The following WFS1 variants were observed in gnomAD, a reference collection of about 807,000 sequenced individuals.
WFS1 encodes the protein wolframin.
A neutral mutation model predicts 68.5 loss-of-function variants in WFS1; 90 were observed. That is an observed-to-expected ratio of 1.31 (90% confidence interval 1.11 to 1.56). The LOEUF is 1.56. Ranked by LOEUF, WFS1 falls within the 40% of genes most tolerant of loss-of-function variation. The pLI is 0.00. For synonymous variants in WFS1, 860 were observed against 540.7 expected (o/e 1.59, Z -8.19); for missense variants, 1,767 against 1,232.6 (o/e 1.43, Z -6.49).
At chr4:6,270,924 C>T (rs1729820249) in intron 1 of WFS1, among the ~76,000 whole-genome samples, 3 of 152,208 alleles carry the variant, frequency 2.0e-5, no homozygotes, top group Admixed American at 2.0e-4. Flanking sequence ...GCTGATGGGG[C>T]AGAGCCTGGT....
chr4:6,295,313 C>A, intron 7 of WFS1, 124 bp downstream of exon 7: 1 of 1,176,128 alleles, frequency 8.5e-7, no homozygotes, highest in Non-Finnish European at 1.2e-6. Flanking sequence ...TGTCTTACAG[C>A]CGTGCCGCTG....
intron 7 of WFS1, among the ~76,000 whole-genome samples, chr4:6,299,494 GTGTGTAGGGGTGGGT>G (rs1730766551): frequency 6.7e-6 from 1 of 149,954 alleles, no homozygotes; most frequent in Non-Finnish European, 1.5e-5. Context: ...GTGTGCACGT[GTGTGTAGGGGTGGGT>G]TGCGTGTGTG....
chr4:6,302,747 A>C lies in WFS1; in HGVS notation c.*279A>C. 1.3e-5 allele frequency: 7 copies of C among 557,310 alleles called. No individual in the cohort carries two copies. Among genetic ancestry groups the C allele is most frequent in the Non-Finnish European group, 2.2e-5 (7 of 315,670 alleles). 34.5% of individuals were successfully genotyped at this position (557,310 alleles called of 1,614,324 possible). A position where few individuals can be genotyped will look rare whatever the true frequency, so the allele number is the denominator to read the frequency against. On this transcript the variant is annotated 3_prime_UTR_variant, in exon 8 of 8. Coordinates refer to ENST00000226760, the MANE Select transcript of WFS1 (RefSeq NM_006005.3). ...TGACATGGGTGTGCCAGGCTAGACT[A>C]GGAGGTTCCGGTGTCTGGAAAAGCA...
chr4:6,290,846 C>T (rs1730440503), intron 4 of WFS1, among the ~76,000 whole-genome samples: 1 of 152,242 alleles, frequency 6.6e-6, no homozygotes, highest in South Asian at 2.1e-4. Flanking sequence ...CAAGACAGCT[C>T]TGCCTCTTTC....
At position 6,301,534 on chromosome 4, in the gene WFS1, T is replaced by C. The variant is rs140773453; in HGVS notation, c.1739T>C (p.Val580Ala). Residue 580 changes from valine to alanine, a missense_variant, in exon 8 of 8, where the codon GTG (valine) becomes GCG (alanine). Val to Ala is a moderately conservative substitution (Grantham distance 64). Transcript: ENST00000226760. ...LPILVAGLAL[V>A]GVLQFARWFT... is the part of the protein sequence containing the mutation. Reference sequence around the variant, plus strand: ...ATCCTGGTGGCCGGCCTGGCCCTGGTGGGCGTGCTGCAGTTCGCCCGGTGG... The same window carrying C: ...ATCCTGGTGGCCGGCCTGGCCCTGGCGGGCGTGCTGCAGTTCGCCCGGTGG... 3 of 1,613,896 alleles carry C rather than the reference T, an allele frequency of 1.9e-6. No homozygotes were observed.
In WFS1 at chr4:6,283,342, A is replaced by G. The variant is rs1179837557; in HGVS notation, c.233-3751A>G. On this transcript the variant is annotated intron_variant, in intron 2 of 7. Coordinates refer to ENST00000226760, the MANE Select transcript of WFS1 (RefSeq NM_006005.3). This position sits in a 1 kb window ranked among gnomAD's most constrained non-coding sequence, Gnocchi z 5.0. The stretch of plus-strand genomic sequence containing the variant: ...TTTCAAAGAATGAGTTAGATTCAGG[A>G]CCCTTTTAGTTGTAAGTGACAAAAT... Among the ~76,000 whole-genome samples the G allele has an allele frequency of 6.6e-6, 1 of 152,190 alleles. No individual in the cohort carries two copies. The highest frequency in any genetic ancestry group is 1.5e-5 in the Non-Finnish European group (1 of 68,022).
In WFS1 at chr4:6,295,092, C is replaced by T; in HGVS notation, c.764C>T (p.Ala255Val). 2 of 1,613,532 alleles carry T rather than the reference C, an allele frequency of 1.2e-6. No individual in the cohort carries two copies. Among genetic ancestry groups the T allele is most frequent in the Non-Finnish European group, 1.7e-6 (2 of 1,180,028 alleles). The change falls in exon 7 of 8, where the codon GCC (alanine) becomes GTC (valine). Residue 255 changes from alanine (A) to valine (V), a missense_variant. Transcript: ENST00000226760. Reference protein sequence around the residue: ...DDFVEITKKYAKGVIPSSLFL... With the variant: ...DDFVEITKKYVKGVIPSSLFL... ...TTTGTGGAGATCACTAAGAAGTACGCCAAGGGCGTCATCCCCAGCAGCCTG... is the reference window on the plus strand; with the variant it reads ...TTTGTGGAGATCACTAAGAAGTACGTCAAGGGCGTCATCCCCAGCAGCCTG...
At chr4:6,298,735 C>G (rs1372747666) in intron 7 of WFS1, among the ~76,000 whole-genome samples, 2 of 152,248 alleles carry the variant, frequency 1.3e-5, no homozygotes, top group Non-Finnish European at 2.9e-5. Flanking sequence ...CTGGTTGTTT[C>G]CAGGTGTCCT....
chr4:6,301,519 C>T lies in WFS1; in HGVS notation c.1724C>T (p.Ala575Val), dbSNP rs71524360. Residue 575 changes from alanine (A) to valine (V), a missense_variant, in exon 8 of 8, where the codon GCC becomes GTC. Coordinates refer to ENST00000226760, the MANE Select transcript of WFS1 (RefSeq NM_006005.3). ...LFLFALPILV[A>V]GLALVGVLQF... ...CTCTTTGCCCTCCCCATCCTGGTGGCCGGCCTGGCCCTGGTGGGCGTGCTG... is the reference window on the plus strand; with the variant it reads ...CTCTTTGCCCTCCCCATCCTGGTGGTCGGCCTGGCCCTGGTGGGCGTGCTG... 1.2e-6 allele frequency: 2 copies of T among 1,613,800 alleles called. No individual in the cohort carries two copies. The highest frequency in any genetic ancestry group is 1.3e-5 in the African/African-American group (1 of 75,072).
In WFS1 at chr4:6,301,277, C is replaced by T; in HGVS notation, c.1482C>T (p.Gly494=). 1 of 1,611,392 alleles carries T rather than the reference C, an allele frequency of 6.2e-7. No homozygotes were observed. The highest frequency in any genetic ancestry group is 8.5e-7 in the Non-Finnish European group (1 of 1,180,026). The change falls in exon 8 of 8, where the codon GGC becomes GGT. Residue 494 remains glycine (G), a synonymous_variant. Transcript: ENST00000226760. The stretch of plus-strand genomic sequence containing the variant: ...AGACCTTCATCACCGTGCCTGTCGG[C>T]CACCTGGTCGTCCTCAACGTCAGCG... ...LGQTFITVPV[G]HLVVLNVSVP... is the part of the protein sequence containing the mutation.
At chr4:6,288,896 A>T in intron 3 of WFS1, 91 bp from the exon 4 acceptor site, 1 of 1,546,510 alleles carries the variant, frequency 6.5e-7, no homozygotes, top group Non-Finnish European at 8.8e-7. Context: ...TGGGTGACAA[A>T]GGGAAGTGGG....
At position 6,270,178 on chromosome 4, in the gene WFS1, G is replaced by A. The variant is rs138137996; in HGVS notation, c.-6+164G>A. 2.0e-3 allele frequency among the ~76,000 whole-genome samples: 299 copies of A among 152,162 alleles called. 2 individuals carry two copies. The highest frequency in any genetic ancestry group is 6.8e-3 in the African/African-American group (283 of 41,532). On this transcript the variant is annotated intron_variant, in intron 1 of 7. Transcript: ENST00000226760. ...ACAAGGTCCCCGAAGTTGGAGGGCC[G>A]GGGGTCCCGCCCGCTCTGCAACGCG...
At chr4:6,293,689 G>C (rs960990154) in intron 6 of WFS1, among the ~76,000 whole-genome samples, 6 of 152,184 alleles carry the variant, frequency 3.9e-5, no homozygotes, top group Non-Finnish European at 7.3e-5. Flanking sequence ...CTGATGTCCT[G>C]TCTCTCAGGA....
At chr4:6,293,445 A>ATCCCCTTCTCTCGTCC (rs1730525681) in intron 6 of WFS1, among the ~76,000 whole-genome samples, 1 of 152,174 alleles carries the variant, frequency 6.6e-6, no homozygotes, top group African/African-American at 2.4e-5. Context: ...GGCGTCTGTC[A>ATCCCCTTCTCTCGTCC]TCCCCTTCTC....
rs1466575980 is a variant in WFS1 at position 6,291,910 on chromosome 4, C to G, written c.632-7C>G. The G allele has an allele frequency of 1.9e-6, 3 of 1,608,488 alleles. No individual in the cohort carries two copies. The South Asian group carries it at 3.4e-5, about 18-fold the overall frequency. ...GTCTGACTGTTAATCCACCCTGTCC[C>G]CTGCAGATGGAGGGGCGCAGCCAGG... On this transcript the variant is annotated splice_polypyrimidine_tract_variant and splice_region_variant and intron_variant, in intron 5 of 7. Transcript: ENST00000226760.
intron 1 of WFS1, among the ~76,000 whole-genome samples, chr4:6,272,984 TTGTG>T (rs1176910711): frequency 6.6e-6 from 1 of 152,196 alleles, no homozygotes; most frequent in Non-Finnish European, 1.5e-5. Context: ...ATGATGGACA[TTGTG>T]TGTGAGCCCC....
chr4:6,287,143 G>T lies in WFS1; in HGVS notation c.283G>T (p.Ala95Ser). 1 of 1,561,396 alleles carries T rather than the reference G, an allele frequency of 6.4e-7. No individual in the cohort carries two copies. Among genetic ancestry groups the T allele is most frequent in the Non-Finnish European group, 8.7e-7 (1 of 1,151,356 alleles). The change falls in exon 3 of 8, where the codon GCC (alanine) becomes TCC (serine). Residue 95 changes from alanine (A) to serine (S), a missense_variant. By Grantham distance (99) the Ala-to-Ser change is moderately conservative. Coordinates refer to ENST00000226760, the MANE Select transcript of WFS1 (RefSeq NM_006005.3). This position sits in a 1 kb window ranked among gnomAD's most constrained non-coding sequence, Gnocchi z 6.4. The part of the protein sequence containing the change: ...EIPFEEVLER[A>S]KAGDPKAQTE... ...CCCCTTTGAAGAAGTCCTGGAGAGG[G>T]CCAAGGCCGGGGACCCCAAGGCACA...
rs759471113 is a variant in WFS1, at chr4:6,301,795, A to G, written c.2000A>G (p.Gln667Arg). Residue 667 changes from glutamine (Q) to arginine (R), a missense_variant, in exon 8 of 8, where the codon CAG (glutamine) becomes CGG (arginine). Physicochemically the swap from Gln to Arg is conservative, Grantham distance 43 (BLOSUM62 1). Coordinates refer to ENST00000226760, the MANE Select transcript of WFS1 (RefSeq NM_006005.3). ...GTCTACAACTCCACACTGACCTGGC[A>G]GCAGTATGGTGCGCTGTGCGGGCCA... The part of the protein sequence containing the change: ...MKVYNSTLTW[Q>R]QYGALCGPRA... 6.2e-7 allele frequency: 1 copy of G among 1,613,444 alleles called. No homozygotes were observed. Among genetic ancestry groups the G allele is most frequent in the Non-Finnish European group, 8.5e-7 (1 of 1,180,016 alleles).
chr4:6,291,165 C>T (rs1371240455), intron 4 of WFS1, 32 bp from the exon 5 acceptor site: 8 of 1,609,742 alleles, frequency 5.0e-6, no homozygotes, highest in Admixed American at 1.7e-5. Context: ...AGGCAGGGCA[C>T]ACAAGGCCTT....
Sources: allele counts gnomAD v4.1 joint callset (sites outside exome capture counted in the v4.1 genomes callset), GRCh38; gene constraint gnomAD v4.1.1; non-coding constraint Gnocchi (gnomAD v3.1); transcripts MANE v1.5; gene names NCBI Gene and HGNC (gene_info 2026-07-23, HGNC 2026-07-21).